MYSM1: variants seen among roughly 807,000 people sequenced by gnomAD.
MYSM1 encodes deubiquitinase MYSM1.
In MYSM1, 51 loss-of-function variants were observed where a neutral mutation model predicts 116.0. That is an observed-to-expected ratio of 0.44 (90% CI 0.35 to 0.56). The LOEUF is 0.56. MYSM1 is among the 20% of genes least tolerant of loss of function. The pLI, the probability that MYSM1 is intolerant of heterozygous loss-of-function variation, is 0.00. For synonymous variants in MYSM1, 313 were observed against 315.2 expected, an observed-to-expected ratio of 0.99 and a Z score of 0.07; for missense variants, 900 against 974.9, an observed-to-expected ratio of 0.92 and a Z score of 1.02.
chr1:58,688,128 T>C (rs909468452), intron 6 of MYSM1, among the ~76,000 whole-genome samples: 2 of 151,770 alleles, frequency 1.3e-5, no homozygotes, highest in African/African-American at 4.8e-5. Context: ...ATCACCAGTA[T>C]AGGAACAAGT....
chr1:58,691,095 C>T (rs774174888), intron 3 of MYSM1, among the ~76,000 whole-genome samples: 3 of 151,734 alleles, frequency 2.0e-5, no homozygotes, highest in Admixed American at 6.6e-5. Flanking sequence ...CTGGCTAACA[C>T]GGTGAAACCC....
At chr1:58,683,792 C>T (rs1293856695) in intron 7 of MYSM1, among the ~76,000 whole-genome samples, 1 of 152,002 alleles carries the variant, frequency 6.6e-6, no homozygotes, top group Non-Finnish European at 1.5e-5. Flanking sequence ...GAGATTTGGA[C>T]ATATTGCCTG....
At position 58,668,983 on chromosome 1, in the gene MYSM1, C is replaced by T. The variant is rs1644515321; in HGVS notation, c.1716+1G>A. The stretch of plus-strand genomic sequence containing the variant: ...GTCATTCATTAATGCATAAATAGTA[C>T]CTGCTTTTCTTCACTAAAAAAATTA... On this transcript the variant is annotated splice_donor_variant, in intron 13 of 19. Coordinates refer to ENST00000472487, the MANE Select transcript of MYSM1 (RefSeq NM_001085487.3). LOFTEE classifies it high-confidence loss of function. 2 of 1,598,626 alleles carry T rather than the reference C, an allele frequency of 1.3e-6. No individual in the cohort carries two copies. The highest frequency in any genetic ancestry group is 1.8e-5 in the Admixed American group (1 of 56,934).
chr1:58,660,277 C>T (rs1284636892), intron 19 of MYSM1, 122 bp from the exon 20 acceptor site: 1 of 550,374 alleles, frequency 1.8e-6, no homozygotes, highest in Non-Finnish European at 2.9e-6. Flanking sequence ...AAACACTCTC[C>T]TTAAAAATGG....
At chr1:58,664,192 G>A (rs1644434916) in intron 17 of MYSM1, among the ~76,000 whole-genome samples, 1 of 152,120 alleles carries the variant, frequency 6.6e-6, no homozygotes, top group Non-Finnish European at 1.5e-5. Context: ...CAGTCTGTGA[G>A]ATTATAAAAT....
rs569512271 is a variant in MYSM1, at chr1:58,682,536, C to G, written c.508G>C (p.Gly170Arg). 4.5e-6 allele frequency: 7 copies of G among 1,567,548 alleles called. No individual in the cohort carries two copies. In the South Asian group the frequency reaches 7.1e-5, roughly 16 times the overall value. The change falls in exon 8 of 20, where the codon GGT becomes CGT. Residue 170 changes from glycine to arginine, a missense_variant. Gly to Arg is a moderately radical substitution (Grantham distance 125). This residue lies in a region of MYSM1 where 622 missense variants were observed against 623.7 expected (regional missense o/e 1.00). Coordinates refer to ENST00000472487, the MANE Select transcript of MYSM1 (RefSeq NM_001085487.3). ...RQYFKNKVKC[G>R]LDKETPNQKT... The stretch of plus-strand genomic sequence containing the variant: ...TGATTTGGTGTTTCTTTATCCAGAC[C>G]GCATTTGACCTTATTAAAAATCAAA...
At chr1:58,692,535 G>C (rs964153102) in intron 3 of MYSM1, 13 of 184,236 alleles carry the variant, frequency 7.1e-5, no homozygotes, top group African/African-American at 3.1e-4. Context: ...CTGGGTTTCA[G>C]CTTATATAAC....
chr1:58,666,945 T>C (rs1042232231), intron 16 of MYSM1, 93 bp downstream of exon 16: 72 of 509,702 alleles, frequency 1.4e-4, no homozygotes, highest in African/African-American at 1.3e-3. Context: ...ATATTAGAAA[T>C]GTAATATGAA....
rs768128851 is a variant in MYSM1 at position 58,690,391 on chromosome 1, G to A, written c.245C>T (p.Pro82Leu). The A allele has an allele frequency of 8.1e-6, 13 of 1,599,596 alleles. No individual in the cohort carries two copies. The highest frequency in any genetic ancestry group is 4.5e-5 in the East Asian group (2 of 44,524). ...CTTTTGATCAAGCCAGACTTTTTCC[G>A]GTTGTGATTTTTTAGATAAATAATA... ...EEYYLSKKSQ[P>L]EKVWLDQKED... The change falls in exon 4 of 20, where the codon CCG becomes CTG. Residue 82 changes from proline to leucine, a missense_variant. This residue lies in a region of MYSM1 where 622 missense variants were observed against 623.7 expected (regional missense o/e 1.00). Transcript: ENST00000472487.
At chr1:58,682,613 A>C (rs1644763539) in intron 7 of MYSM1, 68 bp from the exon 8 acceptor site, 2 of 1,362,708 alleles carry the variant, frequency 1.5e-6, no homozygotes, top group Admixed American at 2.7e-5. Context: ...GGTACACACA[A>C]AAAAGGATAA....
intron 1 of MYSM1, chr1:58,699,660 T>A: frequency 2.0e-6 from 2 of 985,444 alleles, no homozygotes; most frequent in Non-Finnish European, 2.4e-6. Context: ...TTCTAGTTAC[T>A]GTCGATGAGA....
At chr1:58,696,595 C>G (rs1644977288) in intron 1 of MYSM1, among the ~76,000 whole-genome samples, 1 of 152,196 alleles carries the variant, frequency 6.6e-6, no homozygotes. Flanking sequence ...CATACTACCT[C>G]TGAGGTCCTG....
At chr1:58,667,963 C>T in intron 14 of MYSM1, 42 bp from the exon 15 acceptor site, 1 of 1,368,990 alleles carries the variant, frequency 7.3e-7, no homozygotes, top group Non-Finnish European at 1.0e-6. Flanking sequence ...ACGCACAAAC[C>T]CACCTGACAA....
At chr1:58,691,793 G>A (rs974033650) in intron 3 of MYSM1, among the ~76,000 whole-genome samples, 4 of 152,004 alleles carry the variant, frequency 2.6e-5, no homozygotes, top group African/African-American at 9.7e-5. Flanking sequence ...CTTGAACCAG[G>A]GAGGCAGAGG....
At chr1:58,685,348 A>T in intron 6 of MYSM1, 97 bp from the exon 7 acceptor site, 1 of 721,658 alleles carries the variant, frequency 1.4e-6, no homozygotes. Context: ...ACTTAAAAAA[A>T]AATACATCTT....
intron 17 of MYSM1, among the ~76,000 whole-genome samples, chr1:58,662,755 T>A (rs1467253218): frequency 6.6e-6 from 1 of 152,122 alleles, no homozygotes; most frequent in Non-Finnish European, 1.5e-5. Context: ...TTTCAGGTGT[T>A]TGGAAGGAAA....
intron 8 of MYSM1, among the ~76,000 whole-genome samples, chr1:58,678,633 G>C (rs1374323974): frequency 6.6e-6 from 1 of 152,152 alleles, no homozygotes; most frequent in Non-Finnish European, 1.5e-5. Flanking sequence ...GAGGGGAGAA[G>C]AGACAGTAAA....
chr1:58,667,964 C>A (rs777161255), intron 14 of MYSM1, 43 bp from the exon 15 acceptor site: 1 of 1,363,778 alleles, frequency 7.3e-7, no homozygotes, highest in Non-Finnish European at 1.0e-6. Flanking sequence ...CGCACAAACC[C>A]ACCTGACAAA....
chr1:58,690,172 CATA>C, intron 5 of MYSM1, 51 bp downstream of exon 5: 1 of 1,354,930 alleles, frequency 7.4e-7, no homozygotes, highest in Non-Finnish European at 9.9e-7. Context: ...AAAATTATTC[CATA>C]ATTTTTAACT....
Sources: gnomAD v4.1 joint callset for allele counts (sites outside exome capture counted in the v4.1 genomes callset) on GRCh38, gnomAD v4.1.1 for gene constraint, gnomAD v4.1.1 regional missense constraint, MANE v1.5 for transcripts, NCBI Gene and HGNC (gene_info 2026-07-23, HGNC 2026-07-21) for gene names.